Variants in FARSB observed in about 807,000 individuals in gnomAD.
The protein encoded by FARSB is phenylalanyl-tRNA synthetase subunit beta, also known as phenylalanine--tRNA ligase beta subunit.
A neutral mutation model predicts 69.6 loss-of-function variants in FARSB; 40 were observed. The ratio of observed to expected loss-of-function variants is 0.57; its 90% CI spans 0.45 to 0.75. The LOEUF (loss-of-function observed/expected upper bound fraction) is 0.75. Among genes scored for constraint, FARSB ranks in the 30% least tolerant of loss-of-function variants. The probability of loss-of-function intolerance (pLI) is 0.00; values close to 1 mark genes in which losing one functional copy is unlikely to be tolerated. For missense variants in FARSB, 632 were observed against 722.9 expected (o/e 0.87, Z 1.44); for synonymous variants, 235 against 247.2 (o/e 0.95, Z 0.46).
chr2:222,605,529 C>T (rs1035702148), intron 15 of FARSB, among the ~76,000 whole-genome samples: 2 of 152,084 alleles, frequency 1.3e-5, no homozygotes, highest in Non-Finnish European at 2.9e-5. Context: ...TTTTATATTT[C>T]TGATATGAGC....
At chr2:222,579,045 A>G (rs1287525278) in intron 16 of FARSB, among the ~76,000 whole-genome samples, 12 of 152,200 alleles carry the variant, frequency 7.9e-5, no homozygotes, top group Admixed American at 7.9e-4. Flanking sequence ...CTCGCCTTCT[A>G]TTCACTCATT....
chr2:222,624,906 A>C (rs1559207839), intron 10 of FARSB, 131 bp from the exon 11 acceptor site: 1 of 584,054 alleles, frequency 1.7e-6, no homozygotes, highest in East Asian at 2.9e-5. Context: ...ATTGAGAATA[A>C]ACTTGATGTT....
chr2:222,593,921 G>A (rs574917075), intron 16 of FARSB, among the ~76,000 whole-genome samples: 2 of 151,102 alleles, frequency 1.3e-5, no homozygotes, highest in East Asian at 3.9e-4. Flanking sequence ...CTAGATAAAA[G>A]TTATTTTCTT....
intron 15 of FARSB, among the ~76,000 whole-genome samples, chr2:222,601,164 C>T (rs1197517403): frequency 2.0e-5 from 3 of 152,088 alleles, no homozygotes; most frequent in African/African-American, 7.2e-5. Context: ...AAAGTTTAGC[C>T]ATGCAAGATG....
chr2:222,576,704 G>C (rs1684715654), intron 16 of FARSB, among the ~76,000 whole-genome samples: 1 of 152,092 alleles, frequency 6.6e-6, no homozygotes, highest in African/African-American at 2.4e-5. Flanking sequence ...TCCATACTGG[G>C]GTGAAATTGA....
At chr2:222,580,415 C>T (rs1050775042) in intron 16 of FARSB, among the ~76,000 whole-genome samples, 10 of 151,538 alleles carry the variant, frequency 6.6e-5, no homozygotes, top group African/African-American at 2.4e-4. Flanking sequence ...AATCCTAGTG[C>T]TTTGGGAGGC....
chr2:222,634,638 A>G lies in FARSB; in HGVS notation c.456-97T>C, dbSNP rs1455840166. Reference sequence around the variant, plus strand: ...CTAAAGCCGAAATTCTAAAGATAACATAAATATAGACTACATATTTTTTTT... The same window carrying G: ...CTAAAGCCGAAATTCTAAAGATAACGTAAATATAGACTACATATTTTTTTT... On this transcript the variant is annotated intron_variant, in intron 5 of 16. Coordinates refer to ENST00000281828, the MANE Select transcript of FARSB (RefSeq NM_005687.5). The G allele has an allele frequency of 8.0e-6, 7 of 871,402 alleles. No individual in the cohort carries two copies. The African/African-American group carries it at 1.2e-4, about 15-fold the overall frequency. 54.0% of individuals were successfully genotyped at this position (871,402 alleles called of 1,614,324 possible). A position where few individuals can be genotyped will look rare whatever the true frequency, so the allele number is the denominator to read the frequency against.
intron 16 of FARSB, among the ~76,000 whole-genome samples, chr2:222,594,193 T>G (rs1245775349): frequency 6.7e-6 from 1 of 150,046 alleles, no homozygotes; most frequent in Non-Finnish European, 1.5e-5. Flanking sequence ...CAGTGAGCCA[T>G]GATCATGCCA....
intron 15 of FARSB, among the ~76,000 whole-genome samples, chr2:222,607,830 A>T (rs1262837507): frequency 1.3e-5 from 2 of 152,104 alleles, no homozygotes; most frequent in Non-Finnish European, 2.9e-5. Context: ...TCCTTTTTAA[A>T]ATAGTGCTGA....
intron 1 of FARSB, among the ~76,000 whole-genome samples, chr2:222,650,666 C>CCCTG (rs1297755180): frequency 2.6e-5 from 4 of 152,102 alleles, no homozygotes; most frequent in African/African-American, 9.7e-5. Context: ...GTTCCATGAT[C>CCCTG]CCTGCCTCCT....
In FARSB at chr2:222,571,644, CT is replaced by C; in HGVS notation, c.*226del. ...TGCATTTCTCCAGCACTCCACGGGG[CT>C]TTTACCCAACAATGCAGCTTCACAC... On this transcript the variant is annotated 3_prime_UTR_variant, in exon 17 of 17. Coordinates refer to ENST00000281828, the MANE Select transcript of FARSB (RefSeq NM_005687.5). 2.3e-6 allele frequency: 1 copy of C among 439,200 alleles called. No homozygotes were observed. 27.2% of individuals were successfully genotyped at this position (439,200 alleles called of 1,614,324 possible). A position where few individuals can be genotyped will look rare whatever the true frequency, so the allele number is the denominator to read the frequency against.
intron 15 of FARSB, among the ~76,000 whole-genome samples, chr2:222,602,449 C>T (rs1357619956): frequency 6.6e-6 from 1 of 151,836 alleles, no homozygotes; most frequent in Non-Finnish European, 1.5e-5. Flanking sequence ...AAAATTTATA[C>T]ATCTACAGCA....
chr2:222,597,869 A>T (rs1407330356), intron 16 of FARSB, among the ~76,000 whole-genome samples: 1 of 152,112 alleles, frequency 6.6e-6, no homozygotes, highest in East Asian at 1.9e-4. Flanking sequence ...ATCTAATATC[A>T]CCTACCTGCT....
chr2:222,582,488 C>T (rs531133570), intron 16 of FARSB, among the ~76,000 whole-genome samples: 2 of 152,228 alleles, frequency 1.3e-5, no homozygotes, highest in East Asian at 1.9e-4. Context: ...GTTCTCTCTA[C>T]GTCCCTTATT....
intron 16 of FARSB, among the ~76,000 whole-genome samples, chr2:222,589,170 G>T (rs1275159756): frequency 6.6e-6 from 1 of 152,124 alleles, no homozygotes; most frequent in East Asian, 1.9e-4. Context: ...CAGAGATATA[G>T]ACCAATGGAA....
At chr2:222,614,862 A>G (rs1350122160) in intron 14 of FARSB, among the ~76,000 whole-genome samples, 1 of 152,198 alleles carries the variant, frequency 6.6e-6, no homozygotes, top group Non-Finnish European at 1.5e-5. Flanking sequence ...AAAACCATAA[A>G]TAAATTAAAT....
At chr2:222,616,216 G>A (rs1459364087) in intron 14 of FARSB, among the ~76,000 whole-genome samples, 2 of 152,034 alleles carry the variant, frequency 1.3e-5, no homozygotes, top group Non-Finnish European at 2.9e-5. Flanking sequence ...GCAAGTTGTA[G>A]ATTAACAGAG....
At chr2:222,594,350 GATACA>G in intron 16 of FARSB, among the ~76,000 whole-genome samples, 1 of 151,962 alleles carries the variant, frequency 6.6e-6, no homozygotes, top group Non-Finnish European at 1.5e-5. Context: ...AATATAATTT[GATACA>G]CTACAGTTTA....
chr2:222,588,207 T>C (rs1157160567), intron 16 of FARSB, among the ~76,000 whole-genome samples: 3 of 152,126 alleles, frequency 2.0e-5, no homozygotes, highest in Admixed American at 2.0e-4. Context: ...TGGTTCAACA[T>C]ATGCAAATCA....
Sources: allele counts gnomAD v4.1 joint callset (sites outside exome capture counted in the v4.1 genomes callset), GRCh38; gene constraint gnomAD v4.1.1; transcripts MANE v1.5; gene names NCBI Gene and HGNC (gene_info 2026-07-23, HGNC 2026-07-21).